CD72: variants seen among roughly 807,000 people sequenced by gnomAD.
CD72 encodes the protein B-cell differentiation antigen CD72.
Under a neutral mutation model 50.7 loss-of-function variants are expected in CD72, and 28 were observed. The observed-to-expected ratio is 0.55, with a 90% CI of 0.41 to 0.76. The LOEUF is 0.76. Ranked by LOEUF, CD72 falls within the 30% of genes least tolerant of loss-of-function variation. The probability of loss-of-function intolerance (pLI) is 0.00; values close to 1 mark genes in which losing one functional copy is unlikely to be tolerated. For synonymous variants in CD72, 176 were observed against 171.2 expected (o/e 1.03, Z -0.22); for missense variants, 403 against 420.6 (o/e 0.96, Z 0.37).
rs1823197387 is a variant in CD72, at chr9:35,626,343, C to T, written n.409-8222G>A. ...GTCTGAAGATGTGACTGAATTGGTG[C>T]AATCTCATGATCAAACTTGAACAGA... On this transcript the variant is annotated intron_variant and non_coding_transcript_variant, in intron 1 of 3. Coordinates refer to the CD72 transcript ENST00000465754. 3.3e-5 allele frequency among the ~76,000 whole-genome samples: 5 copies of T among 152,026 alleles called. No homozygotes were observed. The South Asian group carries it at 1.0e-3, about 32-fold the overall frequency.
At chr9:35,639,970 C>G (rs979467382) in intron 1 of CD72, among the ~76,000 whole-genome samples, 5 of 152,200 alleles carry the variant, frequency 3.3e-5, no homozygotes, top group East Asian at 3.8e-4. Flanking sequence ...GTTAAATATT[C>G]AGCAGTTTCT....
intron 4 of CD72, 74 bp from the exon 5 acceptor site, chr9:35,616,352 C>A (rs1823064349): frequency 1.6e-6 from 2 of 1,214,928 alleles, no homozygotes; most frequent in Non-Finnish European, 2.3e-6. Flanking sequence ...AGCATCAGCC[C>A]TTTTTCTGCT....
At chr9:35,632,068 C>T (rs1316790961) in intron 1 of CD72, among the ~76,000 whole-genome samples, 1 of 152,118 alleles carries the variant, frequency 6.6e-6, no homozygotes, top group African/African-American at 2.4e-5. Context: ...TTTCCTCTTT[C>T]TCCTGGGTCA....
At chr9:35,617,917 C>T (rs1182367460) in intron 2 of CD72, 97 bp downstream of exon 2, 1 of 804,536 alleles carries the variant, frequency 1.2e-6, no homozygotes, top group Non-Finnish European at 2.2e-6. Context: ...AGTGACAGAA[C>T]AAGACCCTGT....
Position 35,616,693 on chromosome 9 carries a change from A to C in CD72, c.263-4T>G. ...TATCGCAGGCAGGTTGTGCGGCCTT[A>C]GGGGGACAGTGGGATGGATGAGGGC... is the stretch of plus-strand genomic sequence containing the variant. On this transcript the variant is annotated splice_region_variant and splice_polypyrimidine_tract_variant and intron_variant, in intron 3 of 8. Coordinates refer to ENST00000259633, the MANE Select transcript of CD72 (RefSeq NM_001782.3). 1 of 1,611,600 alleles carries C rather than the reference A, an allele frequency of 6.2e-7. No homozygotes were observed. Among genetic ancestry groups the C allele is most frequent in the Non-Finnish European group, 8.5e-7 (1 of 1,178,536 alleles).
At chr9:35,622,017 G>C (rs577931107), upstream of CD72, among the ~76,000 whole-genome samples, 3 of 152,316 alleles carry the variant, frequency 2.0e-5, no homozygotes, top group African/African-American at 7.2e-5. Flanking sequence ...CAAGAGTTTC[G>C]TGAACTGTGG....
At chr9:35,628,188 G>C (rs1443846794) in intron 1 of CD72, among the ~76,000 whole-genome samples, 1 of 152,072 alleles carries the variant, frequency 6.6e-6, no homozygotes, top group African/African-American at 2.4e-5. Flanking sequence ...GGCTGGACTT[G>C]AACTCCTGGG....
chr9:35,641,074 C>A (rs1484724861), intron 1 of CD72, among the ~76,000 whole-genome samples: 2 of 152,164 alleles, frequency 1.3e-5, no homozygotes, highest in Non-Finnish European at 2.9e-5. Flanking sequence ...TCTCTCAGTG[C>A]CCCCTCTCAA....
upstream of CD72, chr9:35,618,497 A>G (rs189783116): frequency 4.4e-6 from 6 of 1,375,246 alleles, no homozygotes; most frequent in African/African-American, 8.6e-5. Flanking sequence ...TCAATGAAGC[A>G]GAAGGCATCC....
upstream of CD72, chr9:35,618,629 C>A: frequency 1.7e-6 from 1 of 593,070 alleles, no homozygotes; most frequent in South Asian, 1.7e-5. Flanking sequence ...CCCATATGGG[C>A]CATGCTGGGC....
In CD72 at chr9:35,616,040, C is replaced by G; in HGVS notation, c.591G>C (p.Glu197Asp). 1 of 1,614,164 alleles carries G rather than the reference C, an allele frequency of 6.2e-7. No homozygotes were observed. Among genetic ancestry groups the G allele is most frequent in the Non-Finnish European group, 8.5e-7 (1 of 1,180,044 alleles). Residue 197 changes from glutamate to aspartate, a missense_variant, in exon 5 of 9, where the codon GAG becomes GAC. Glu to Asp is a conservative substitution (Grantham distance 45, BLOSUM62 2). Coordinates refer to ENST00000259633, the MANE Select transcript of CD72 (RefSeq NM_001782.3). The part of the protein sequence containing the change: ...ACQADRQKTK[E>D]TLQSEEQQRR... ...TCTGTTGCTCCTCACTTTGCAAGGT[C>G]TCCTTCGTCTTCTGTCTGTCTGCCT... is the stretch of plus-strand genomic sequence containing the variant.
intron 7 of CD72, 104 bp from the exon 8 acceptor site, chr9:35,610,857 G>C: frequency 1.2e-6 from 1 of 868,426 alleles, no homozygotes; most frequent in Non-Finnish European, 1.8e-6. Flanking sequence ...CACCCTGCCT[G>C]CCTAAGGCCA....
chr9:35,636,441 G>T (rs1823290471), intron 1 of CD72, among the ~76,000 whole-genome samples: 1 of 152,142 alleles, frequency 6.6e-6, no homozygotes, highest in Non-Finnish European at 1.5e-5. Context: ...ATACAGTAAA[G>T]GATAGGGAAG....
chr9:35,626,584 G>A (rs1037278789), intron 1 of CD72, among the ~76,000 whole-genome samples: 1 of 152,130 alleles, frequency 6.6e-6, no homozygotes, highest in African/African-American at 2.4e-5. Flanking sequence ...GAAATCTTTC[G>A]TGAAAAGAAT....
chr9:35,618,946 C>A, upstream of CD72: 2 of 352,344 alleles, frequency 5.7e-6, no homozygotes, highest in Non-Finnish European at 1.1e-5. Flanking sequence ...CCCCCATGCA[C>A]CCTCATGGGG....
chr9:35,619,003 C>A, upstream of CD72: 1 of 294,184 alleles, frequency 3.4e-6, no homozygotes, highest in South Asian at 2.8e-5. Context: ...CTTAAGAAGG[C>A]TGCAGCTTCC....
chr9:35,610,497 A>C, intron 8 of CD72, 105 bp downstream of exon 8: 2 of 542,920 alleles, frequency 3.7e-6, no homozygotes, highest in Middle Eastern at 5.3e-4. Flanking sequence ...CTTTCATCCC[A>C]GGTACAAGTT....
At chr9:35,624,254 AATAATAATAAATTT>A (rs1563897825), upstream of CD72, among the ~76,000 whole-genome samples, 1 of 142,148 alleles carries the variant, frequency 7.0e-6, no homozygotes, top group Admixed American at 7.0e-5. Flanking sequence ...TAATAATAAT[AATAATAATAAATTT>A]AATTTAATAA....
intron 1 of CD72, among the ~76,000 whole-genome samples, chr9:35,627,105 T>A (rs1823202288): frequency 6.6e-6 from 1 of 151,134 alleles, no homozygotes; most frequent in South Asian, 2.1e-4. Context: ...CCCAAAGTGA[T>A]CGGATTACAG....
Sources: allele counts gnomAD v4.1 joint callset (sites outside exome capture counted in the v4.1 genomes callset), GRCh38; gene constraint gnomAD v4.1.1; transcripts MANE v1.5; gene names NCBI Gene and HGNC (gene_info 2026-07-23, HGNC 2026-07-21).